Variants in CSMD1 observed in about 807,000 individuals in gnomAD.
CSMD1 encodes the protein CUB and sushi domain-containing protein 1.
Under a neutral mutation model 417.5 loss-of-function variants are expected in CSMD1, and 213 were observed. The ratio of observed to expected loss-of-function variants is 0.51; its 90% confidence interval spans 0.46 to 0.57. The LOEUF is 0.57. Among genes scored for constraint, CSMD1 ranks in the 20% least tolerant of loss-of-function variants. The pLI is 0.00. For synonymous variants in CSMD1, 2,862 were observed against 1,736.8 expected (o/e 1.65, Z -16.11); for missense variants, 6,923 against 4,529.7 (o/e 1.53, Z -15.17).
At chr8:3,548,454 C>A (rs1351846934) in intron 10 of CSMD1, among the ~76,000 whole-genome samples, 2 of 151,990 alleles carry the variant, frequency 1.3e-5, no homozygotes, top group Non-Finnish European at 1.5e-5. Flanking sequence ...ACTTCCCACC[C>A]TTTCTGCCTG....
intron 10 of CSMD1, among the ~76,000 whole-genome samples, chr8:3,544,965 C>T (rs1406473004): frequency 6.6e-6 from 1 of 151,280 alleles, no homozygotes; most frequent in Admixed American, 6.6e-5. Context: ...TCTCATGTGT[C>T]AACTTGATCC....
chr8:3,512,855 C>T (rs938753251), intron 10 of CSMD1, among the ~76,000 whole-genome samples: 19 of 151,996 alleles, frequency 1.3e-4, no homozygotes, highest in Non-Finnish European at 2.6e-4. Flanking sequence ...CTCGGCCTCC[C>T]AAAATGCTGG....
At chr8:4,381,700 T>C (rs1275857534) in intron 3 of CSMD1, among the ~76,000 whole-genome samples, 1 of 152,124 alleles carries the variant, frequency 6.6e-6, no homozygotes, top group Non-Finnish European at 1.5e-5. Flanking sequence ...TGCGTCAACA[T>C]CTCCAAAGTT....
At chr8:3,749,614 T>C (rs899800539) in intron 6 of CSMD1, among the ~76,000 whole-genome samples, 2 of 152,214 alleles carry the variant, frequency 1.3e-5, no homozygotes, top group South Asian at 2.1e-4. Flanking sequence ...ATATTATTTG[T>C]CTTTGAGAAG....
chr8:3,253,236 T>C (rs1312513177), intron 26 of CSMD1, among the ~76,000 whole-genome samples: 1 of 152,166 alleles, frequency 6.6e-6, no homozygotes, highest in Non-Finnish European at 1.5e-5. Context: ...GTGTCTTTGC[T>C]CTCGTTGGTT....
At chr8:4,385,513 A>G (rs1009974825) in intron 3 of CSMD1, among the ~76,000 whole-genome samples, 2 of 152,198 alleles carry the variant, frequency 1.3e-5, no homozygotes, top group African/African-American at 4.8e-5. Flanking sequence ...CCGTATTAGT[A>G]GTCTTAAGAA....
At chr8:3,041,832 T>C (rs561110406) in intron 50 of CSMD1, among the ~76,000 whole-genome samples, 21 of 152,328 alleles carry the variant, frequency 1.4e-4, no homozygotes, top group South Asian at 4.1e-4. Flanking sequence ...GTAAACCCCA[T>C]GTAGCCGACA....
At chr8:4,712,814 T>C (rs1406003375) in intron 1 of CSMD1, among the ~76,000 whole-genome samples, 1 of 152,250 alleles carries the variant, frequency 6.6e-6, no homozygotes, top group Non-Finnish European at 1.5e-5. Flanking sequence ...CATACATGAC[T>C]GTACTATCTA....
At chr8:3,465,015 C>T (rs1335703882) in intron 12 of CSMD1, among the ~76,000 whole-genome samples, 4 of 152,122 alleles carry the variant, frequency 2.6e-5, no homozygotes, top group Non-Finnish European at 5.9e-5. Context: ...TACACATGCT[C>T]ATAAGTATGA....
intron 12 of CSMD1, among the ~76,000 whole-genome samples, chr8:3,467,076 A>G (rs995918474): frequency 4.6e-5 from 7 of 152,200 alleles, no homozygotes; most frequent in Admixed American, 6.5e-5. Flanking sequence ...CAGGGTGGCT[A>G]CTGAGACTCT....
At chr8:4,946,731 A>G (rs1808394642) in intron 1 of CSMD1, among the ~76,000 whole-genome samples, 1 of 152,210 alleles carries the variant, frequency 6.6e-6, no homozygotes, top group Non-Finnish European at 1.5e-5. Flanking sequence ...TAGTTGGTGT[A>G]CAGTTCAGCA....
At chr8:4,043,131 T>C (rs1408756782) in intron 3 of CSMD1, among the ~76,000 whole-genome samples, 1 of 151,930 alleles carries the variant, frequency 6.6e-6, no homozygotes, top group East Asian at 1.9e-4. Context: ...AGACTCTGTC[T>C]ACAAAACAAA....
At chr8:4,962,140 A>G (rs778141438) in intron 1 of CSMD1, among the ~76,000 whole-genome samples, 5 of 150,444 alleles carry the variant, frequency 3.3e-5, no homozygotes, top group Non-Finnish European at 7.4e-5. Context: ...GGAGGCTTTT[A>G]CAACTATCCA....
chr8:3,623,697 C>CTGTAATCCA (rs1796364288), intron 7 of CSMD1, among the ~76,000 whole-genome samples: 1 of 152,016 alleles, frequency 6.6e-6, no homozygotes, highest in Non-Finnish European at 1.5e-5. Context: ...ACTCCAGGGC[C>CTGTAATCCA]GGGCGTGGGG....
At chr8:3,839,605 G>T (rs964515923) in intron 5 of CSMD1, among the ~76,000 whole-genome samples, 3 of 133,586 alleles carry the variant, frequency 2.2e-5, no homozygotes, top group African/African-American at 8.4e-5. Flanking sequence ...GATATATATA[G>T]TTGCCCACTG....
intron 2 of CSMD1, among the ~76,000 whole-genome samples, chr8:4,461,081 C>T (rs1799788355): frequency 6.6e-6 from 1 of 150,590 alleles, no homozygotes; most frequent in Non-Finnish European, 1.5e-5. Flanking sequence ...TGCTATTTAT[C>T]TCAGGAATGC....
At chr8:3,236,708 C>A (rs1279097765) in intron 26 of CSMD1, among the ~76,000 whole-genome samples, 2 of 152,218 alleles carry the variant, frequency 1.3e-5, no homozygotes, top group Non-Finnish European at 1.5e-5. Context: ...TTATGTGCCA[C>A]ATCATACACT....
At chr8:4,160,306 G>A (rs1033792546) in intron 3 of CSMD1, among the ~76,000 whole-genome samples, 4 of 152,056 alleles carry the variant, frequency 2.6e-5, no homozygotes, top group African/African-American at 7.3e-5. Flanking sequence ...AAACTCTCCA[G>A]CAACAAGCAT....
chr8:3,153,842 T>C (rs1432733834), intron 39 of CSMD1, among the ~76,000 whole-genome samples: 4 of 152,202 alleles, frequency 2.6e-5, no homozygotes, highest in Admixed American at 2.6e-4. Flanking sequence ...AATCACCTAA[T>C]TACTTGAGAG....
Sources: gnomAD v4.1 joint callset for allele counts (sites outside exome capture counted in the v4.1 genomes callset) on GRCh38, gnomAD v4.1.1 for gene constraint, MANE v1.5 for transcripts, NCBI Gene and HGNC (gene_info 2026-07-23, HGNC 2026-07-21) for gene names.